PDE4D: variants seen among roughly 807,000 people sequenced by gnomAD.
PDE4D encodes phosphodiesterase 4D.
In PDE4D, 24 loss-of-function variants were observed where a neutral mutation model predicts 87.4. The ratio of observed to expected loss-of-function variants is 0.27; its 90% confidence interval spans 0.20 to 0.39. The LOEUF (loss-of-function observed/expected upper bound fraction) is 0.39, where lower values mean the gene tolerates loss of function less well. Among genes scored for constraint, PDE4D ranks in the 10% least tolerant of loss-of-function variants. PDE4D has a pLI of 1.00. For missense variants in PDE4D, 714 were observed against 1,041.0 expected (o/e 0.69, Z 4.32); for synonymous variants, 384 against 383.2 (o/e 1.00, Z -0.02).
chr5:59,698,614 CTATT>C (rs1445450404), intron 1 of PDE4D, among the ~76,000 whole-genome samples: 1 of 152,060 alleles, frequency 6.6e-6, no homozygotes. Context: ...GATATTTTTT[CTATT>C]TATTTATTTA....
At chr5:60,466,379 T>C (rs1747355715) in intron 1 of PDE4D, among the ~76,000 whole-genome samples, 1 of 152,178 alleles carries the variant, frequency 6.6e-6, no homozygotes, top group Non-Finnish European at 1.5e-5. Flanking sequence ...GATATCACAA[T>C]TGGCATTTCA....
At chr5:60,090,448 T>C (rs1582602005) in intron 2 of PDE4D, among the ~76,000 whole-genome samples, 1 of 150,738 alleles carries the variant, frequency 6.6e-6, no homozygotes, top group Middle Eastern at 3.4e-3. Context: ...TTTCAATAGA[T>C]GCTGAAAAAG....
At chr5:59,039,375 A>T (rs1759199204) in intron 5 of PDE4D, 4 of 1,025,938 alleles carry the variant, frequency 3.9e-6, no homozygotes. Context: ...CCCGCCCCGC[A>T]GAGGAGCGTC....
At chr5:60,238,839 T>C (rs1374250697) in intron 1 of PDE4D, among the ~76,000 whole-genome samples, 1 of 152,102 alleles carries the variant, frequency 6.6e-6, no homozygotes, top group East Asian at 1.9e-4. Flanking sequence ...AAATGTTTGT[T>C]TTAATATATT....
At chr5:60,123,301 C>A (rs1778849207) in intron 2 of PDE4D, among the ~76,000 whole-genome samples, 1 of 152,092 alleles carries the variant, frequency 6.6e-6, no homozygotes, top group South Asian at 2.1e-4. Flanking sequence ...TGTATTAGTC[C>A]ATTTTCACAT....
chr5:60,063,162 GAA>G (rs369380043), intron 2 of PDE4D, among the ~76,000 whole-genome samples: 1,426 of 105,482 alleles, frequency 0.014, 10 homozygotes, highest in East Asian at 0.058. Context: ...AAGAAGGAAA[GAA>G]AGAAAGAAAA....
intron 5 of PDE4D, among the ~76,000 whole-genome samples, chr5:59,074,415 A>C (rs1214700909): frequency 6.6e-6 from 1 of 152,170 alleles, no homozygotes; most frequent in Non-Finnish European, 1.5e-5. Flanking sequence ...AAAGTATAAG[A>C]AATAAAAGAA....
chr5:60,191,331 G>A (rs567137088), intron 1 of PDE4D, among the ~76,000 whole-genome samples: 3 of 152,130 alleles, frequency 2.0e-5, no homozygotes, highest in Admixed American at 1.3e-4. Flanking sequence ...TAATCCCCAC[G>A]TGACAAGGGA....
intron 2 of PDE4D, among the ~76,000 whole-genome samples, chr5:60,112,635 A>C (rs2149360433): frequency 6.6e-6 from 1 of 152,208 alleles, no homozygotes; most frequent in South Asian, 2.1e-4. Flanking sequence ...TCTGGCTAAG[A>C]GGTAACTAAG....
chr5:59,518,630 G>A lies in PDE4D; in HGVS notation c.456-302662C>T, dbSNP rs564658716. On this transcript the variant is annotated intron_variant, in intron 1 of 14. Transcript: ENST00000340635. ...AAACAACAGGAATGAAAGAGGGGAAGATGGCAATAGTCAGGGAATGTTTCA... is the reference window on the plus strand; with the variant it reads ...AAACAACAGGAATGAAAGAGGGGAAAATGGCAATAGTCAGGGAATGTTTCA... 3.9e-5 allele frequency among the ~76,000 whole-genome samples: 6 copies of A among 152,296 alleles called. No homozygotes were observed. The East Asian group carries it at 1.2e-3, about 29-fold the overall frequency.
intron 1 of PDE4D, among the ~76,000 whole-genome samples, chr5:59,881,492 T>G (rs555259543): frequency 3.3e-5 from 5 of 152,312 alleles, no homozygotes; most frequent in African/African-American, 1.2e-4. Context: ...ATTTGTAAAC[T>G]GAAGTGTCTT....
chr5:60,177,461 C>T (rs1784017668), intron 2 of PDE4D, among the ~76,000 whole-genome samples: 1 of 152,028 alleles, frequency 6.6e-6, no homozygotes, highest in African/African-American at 2.4e-5. Context: ...TCTGAGGTCC[C>T]AGTAAAATGA....
At chr5:59,699,169 TA>T (rs1209367362) in intron 1 of PDE4D, among the ~76,000 whole-genome samples, 3 of 152,238 alleles carry the variant, frequency 2.0e-5, no homozygotes, top group Non-Finnish European at 2.9e-5. Context: ...ATAATTCTGT[TA>T]AAAAATTATA....
At chr5:59,154,390 T>G (rs1779871204) in intron 5 of PDE4D, among the ~76,000 whole-genome samples, 1 of 152,182 alleles carries the variant, frequency 6.6e-6, no homozygotes, top group Admixed American at 6.5e-5. Flanking sequence ...TAGATGTGGT[T>G]TTATACTCTT....
At chr5:59,626,443 C>A (rs1830914348) in intron 1 of PDE4D, among the ~76,000 whole-genome samples, 1 of 152,104 alleles carries the variant, frequency 6.6e-6, no homozygotes, top group Non-Finnish European at 1.5e-5. Context: ...CCATGCATTT[C>A]TTTATTCAAG....
intron 2 of PDE4D, among the ~76,000 whole-genome samples, chr5:60,164,818 G>A (rs953564371): frequency 6.6e-6 from 1 of 152,058 alleles, no homozygotes; most frequent in Non-Finnish European, 1.5e-5. Flanking sequence ...ATGATGTTTT[G>A]AAGTATTCTA....
At chr5:60,500,175 A>G (rs1750004128) in intron 1 of PDE4D, among the ~76,000 whole-genome samples, 1 of 152,048 alleles carries the variant, frequency 6.6e-6, no homozygotes, top group Non-Finnish European at 1.5e-5. Context: ...TGTGGTGGCC[A>G]TACCTGTGGT....
intron 1 of PDE4D, among the ~76,000 whole-genome samples, chr5:60,436,331 G>A (rs1218363759): frequency 6.6e-6 from 1 of 152,010 alleles, no homozygotes; most frequent in African/African-American, 2.4e-5. Context: ...CAGTTAGACT[G>A]TACAGCAAGT....
intron 1 of PDE4D, among the ~76,000 whole-genome samples, chr5:60,355,643 T>C (rs74922731): frequency 0.047 from 7,111 of 152,196 alleles, 205 homozygotes; most frequent in East Asian, 0.12. Context: ...ACTAATAGGC[T>C]ACTGTTGAGC....
Sources: gnomAD v4.1 joint callset for allele counts (sites outside exome capture counted in the v4.1 genomes callset) on GRCh38, gnomAD v4.1.1 for gene constraint, MANE v1.5 for transcripts, NCBI Gene and HGNC (gene_info 2026-07-23, HGNC 2026-07-21) for gene names.